LRP5: variants seen among roughly 807,000 people sequenced by gnomAD.
LRP5 encodes low-density lipoprotein receptor-related protein 5.
A neutral mutation model predicts 154.1 loss-of-function variants in LRP5; 62 were observed. The observed-to-expected ratio is 0.40, with a 90% confidence interval of 0.33 to 0.50. The LOEUF is 0.50. LRP5 is among the 20% of genes least tolerant of loss of function. The pLI is 0.55. For synonymous variants in LRP5, 966 were observed against 1,011.5 expected, an observed-to-expected ratio of 0.96 and a Z score of 0.85; for missense variants, 1,915 against 2,336.7, an observed-to-expected ratio of 0.82 and a Z score of 3.72.
chr11:68,384,226 T>C (rs2098641779), intron 5 of LRP5, among the ~76,000 whole-genome samples: 1 of 152,196 alleles, frequency 6.6e-6, no homozygotes, highest in Non-Finnish European at 1.5e-5. Context: ...GAACAGTCTC[T>C]GCATTCCTCC....
intron 3 of LRP5, among the ~76,000 whole-genome samples, chr11:68,359,655 G>A (rs776539122): frequency 1.2e-4 from 19 of 152,180 alleles, no homozygotes; most frequent in South Asian, 4.2e-4. Flanking sequence ...TCTATGAAAC[G>A]TTTGCTATTA....
chr11:68,348,387 T>G, intron 2 of LRP5, 144 bp downstream of exon 2: 1 of 924,832 alleles, frequency 1.1e-6, no homozygotes. Flanking sequence ...CTCAGGCCTG[T>G]AACCCCAGCA....
At chr11:68,384,212 C>G (rs562062767) in intron 5 of LRP5, among the ~76,000 whole-genome samples, 14 of 152,328 alleles carry the variant, frequency 9.2e-5, no homozygotes, top group Middle Eastern at 3.4e-3. Flanking sequence ...ATGCCGGGAT[C>G]CTGGAACAGT....
chr11:68,390,941 T>C (rs2098645957), intron 7 of LRP5, among the ~76,000 whole-genome samples: 1 of 152,232 alleles, frequency 6.6e-6, no homozygotes, highest in Non-Finnish European at 1.5e-5. Flanking sequence ...TCTCTTGAGC[T>C]TTTTTGTTTG....
chr11:68,374,633 G>T (rs1485556282), intron 5 of LRP5, among the ~76,000 whole-genome samples: 4 of 152,136 alleles, frequency 2.6e-5, no homozygotes, highest in Non-Finnish European at 5.9e-5. Flanking sequence ...TCCAGACAGA[G>T]AACATTTCTA....
intron 13 of LRP5, among the ~76,000 whole-genome samples, chr11:68,420,373 C>A (rs2098664890): frequency 6.6e-6 from 1 of 152,156 alleles, no homozygotes; most frequent in Non-Finnish European, 1.5e-5. Context: ...GTGTTATAGC[C>A]TGTGTCAGAA....
intron 7 of LRP5, among the ~76,000 whole-genome samples, chr11:68,399,989 G>A (rs1219526083): frequency 6.6e-6 from 1 of 152,202 alleles, no homozygotes; most frequent in Non-Finnish European, 1.5e-5. Flanking sequence ...TTGGGGGAGT[G>A]TCCTGGGTTC....
chr11:68,393,532 G>A (rs1003099000), intron 7 of LRP5, among the ~76,000 whole-genome samples: 2 of 152,192 alleles, frequency 1.3e-5, no homozygotes, highest in Non-Finnish European at 2.9e-5. Flanking sequence ...TGTAATCCCA[G>A]CACTTTGGGA....
rs2098620712 is a variant in LRP5, at chr11:68,353,755, C to T, written c.489-3895C>T. Among the ~76,000 whole-genome samples the T allele has an allele frequency of 6.6e-6, 1 of 152,226 alleles. No homozygotes were observed. The highest frequency in any genetic ancestry group is 2.1e-4 in the South Asian group (1 of 4,832). On this transcript the variant is annotated intron_variant, in intron 2 of 22. Transcript: ENST00000294304. This position sits in a 1 kb window ranked among gnomAD's most constrained non-coding sequence, Gnocchi z 4.5. ...AGGAGGGGGTTCCTGCCCCGGCCATCATCAGGAAGGGGGTCTCTGGGTCCG... is the reference window on the plus strand; with the variant it reads ...AGGAGGGGGTTCCTGCCCCGGCCATTATCAGGAAGGGGGTCTCTGGGTCCG...
At chr11:68,325,830 A>G (rs766583621) in intron 1 of LRP5, among the ~76,000 whole-genome samples, 4 of 152,166 alleles carry the variant, frequency 2.6e-5, no homozygotes, top group Non-Finnish European at 4.4e-5. Context: ...AATGATCTTT[A>G]TGCTCCCACA....
At chr11:68,408,428 T>G (rs1411626067) in intron 9 of LRP5, among the ~76,000 whole-genome samples, 1 of 151,940 alleles carries the variant, frequency 6.6e-6, no homozygotes, top group Non-Finnish European at 1.5e-5. Flanking sequence ...TTTTATGACT[T>G]TAAGTCACAA....
chr11:68,312,698 T>C lies in LRP5; in HGVS notation c.-17T>C. 2.0e-6 allele frequency: 2 copies of C among 1,002,914 alleles called. No individual in the cohort carries two copies. The highest frequency in any genetic ancestry group is 2.4e-6 in the Non-Finnish European group (2 of 842,906). The allele number at this position is 1,002,914 out of a possible 1,614,324, so 62.1% of individuals were successfully genotyped here. On this transcript the variant is annotated 5_prime_UTR_variant, in exon 1 of 23. Transcript: ENST00000294304. Reference sequence around the variant, plus strand: ...CCCGAGTGAGCGCGGCGCGGGCCCGTCCGGCCGCCGGACAACATGGAGGCA... The same window carrying C: ...CCCGAGTGAGCGCGGCGCGGGCCCGCCCGGCCGCCGGACAACATGGAGGCA...
chr11:68,408,362 G>T (rs942515380), intron 9 of LRP5, among the ~76,000 whole-genome samples: 1 of 150,176 alleles, frequency 6.7e-6, no homozygotes, highest in Admixed American at 6.7e-5. Context: ...GATTACAGGC[G>T]TGAGCCACCA....
chr11:68,399,212 A>G (rs2098651266), intron 7 of LRP5, among the ~76,000 whole-genome samples: 1 of 151,940 alleles, frequency 6.6e-6, no homozygotes, highest in South Asian at 2.1e-4. Flanking sequence ...TTAAAAATAT[A>G]TATTTAAAAA....
rs2098589290 is a variant in LRP5 at position 68,312,751 on chromosome 11, C to T, written c.37C>T (p.Leu13=). ...AAPPGPPWPL[L]LLLLLLLALC... ...GCCGCCCGGGCCGCCGTGGCCGCTG[C>T]TGCTGCTGCTGCTGCTGCTGCTGGC... The change falls in exon 1 of 23, where the codon CTG becomes TTG. Residue 13 remains leucine (L), a synonymous_variant. Transcript: ENST00000294304. 1 of 1,030,724 alleles carries T rather than the reference C, an allele frequency of 9.7e-7. No individual in the cohort carries two copies. The highest frequency in any genetic ancestry group is 1.2e-6 in the Non-Finnish European group (1 of 841,420). 63.8% of individuals were successfully genotyped at this position (1,030,724 alleles called of 1,614,324 possible). A position where few individuals can be genotyped will look rare whatever the true frequency, so the allele number is the denominator to read the frequency against.
At chr11:68,387,912 C>T (rs1180610536) in intron 6 of LRP5, among the ~76,000 whole-genome samples, 2 of 152,190 alleles carry the variant, frequency 1.3e-5, no homozygotes, top group Non-Finnish European at 2.9e-5. Flanking sequence ...CGGGCAGCGG[C>T]GGGCAGAGGA....
chr11:68,357,384 G>A (rs2098623973), intron 2 of LRP5, among the ~76,000 whole-genome samples: 1 of 152,164 alleles, frequency 6.6e-6, no homozygotes, highest in African/African-American at 2.4e-5. Flanking sequence ...AGTACACTAG[G>A]CAATCATCAA....
intron 1 of LRP5, among the ~76,000 whole-genome samples, chr11:68,314,251 T>C (rs1405940020): frequency 1.3e-5 from 2 of 152,154 alleles, no homozygotes; most frequent in African/African-American, 4.8e-5. Context: ...TTTTGGGTTT[T>C]GTGCACGTTT....
At chr11:68,411,711 T>A in intron 11 of LRP5, 91 bp downstream of exon 11, 1 of 1,344,112 alleles carries the variant, frequency 7.4e-7, no homozygotes, top group Admixed American at 2.2e-5. Context: ...CCCTGTGGCC[T>A]GCAAGTTCCC....
Sources: allele counts gnomAD v4.1 joint callset (sites outside exome capture counted in the v4.1 genomes callset), GRCh38; gene constraint gnomAD v4.1.1; non-coding constraint Gnocchi (gnomAD v3.1); transcripts MANE v1.5; gene names NCBI Gene and HGNC (gene_info 2026-07-23, HGNC 2026-07-21).